The following PTPRT variants were observed in gnomAD, a reference collection of about 807,000 sequenced individuals.
PTPRT encodes protein tyrosine phosphatase receptor type T, also known as receptor-type tyrosine-protein phosphatase T.
Under a neutral mutation model 176.8 loss-of-function variants are expected in PTPRT, and 56 were observed. The ratio of observed to expected loss-of-function variants is 0.32; its 90% CI spans 0.26 to 0.40. The LOEUF (loss-of-function observed/expected upper bound fraction) is 0.40. PTPRT is among the 10% of genes least tolerant of loss of function. The pLI, the probability that PTPRT is intolerant of heterozygous loss-of-function variation, is 1.00. For synonymous variants in PTPRT, 783 were observed against 739.0 expected (o/e 1.06, Z -0.96); for missense variants, 1,540 against 1,908.2 (o/e 0.81, Z 3.60).
intron 9 of PTPRT, among the ~76,000 whole-genome samples, chr20:42,406,459 A>G (rs886900317): frequency 6.6e-6 from 1 of 152,118 alleles, no homozygotes; most frequent in African/African-American, 2.4e-5. Context: ...ATGAAATTCA[A>G]CCGAGGAGAA....
intron 12 of PTPRT, among the ~76,000 whole-genome samples, chr20:42,314,053 T>G (rs548803172): frequency 1.3e-5 from 2 of 152,322 alleles, no homozygotes; most frequent in Admixed American, 1.3e-4. Flanking sequence ...CTTCACCAAA[T>G]CTTGCTTCTG....
intron 1 of PTPRT, among the ~76,000 whole-genome samples, chr20:42,931,232 G>T (rs1187649907): frequency 6.6e-6 from 1 of 152,150 alleles, no homozygotes; most frequent in Non-Finnish European, 1.5e-5. Context: ...GGTAATTAAG[G>T]TTGAATGAAG....
At chr20:42,551,812 C>A (rs1004238994) in intron 7 of PTPRT, among the ~76,000 whole-genome samples, 2 of 152,172 alleles carry the variant, frequency 1.3e-5, no homozygotes, top group African/African-American at 4.8e-5. Context: ...GACTACTATA[C>A]CCACATCCTT....
downstream of PTPRT, among the ~76,000 whole-genome samples, chr20:42,072,544 C>A (rs1982399670): frequency 6.6e-6 from 1 of 152,238 alleles, no homozygotes; most frequent in East Asian, 1.9e-4. Flanking sequence ...ACACTCAACC[C>A]TTTTACTAGC....
chr20:42,590,968 G>A (rs1214178456), intron 7 of PTPRT, among the ~76,000 whole-genome samples: 1 of 141,498 alleles, frequency 7.1e-6, no homozygotes, highest in African/African-American at 3.0e-5. Flanking sequence ...GTGTGTGTGT[G>A]TGTGTGTAAT....
At chr20:42,887,772 T>C (rs185381588) in intron 1 of PTPRT, among the ~76,000 whole-genome samples, 100 of 152,324 alleles carry the variant, frequency 6.6e-4, no homozygotes, top group Non-Finnish European at 1.1e-3. Context: ...CCAGAAGAGC[T>C]GGCCTTCAGC....
At chr20:42,109,789 C>A (rs1309477740) in intron 23 of PTPRT, among the ~76,000 whole-genome samples, 1 of 152,236 alleles carries the variant, frequency 6.6e-6, no homozygotes, top group East Asian at 1.9e-4. Flanking sequence ...ACGTGACAGA[C>A]CCAGCAGATG....
At chr20:42,161,215 A>T (rs1439845271) in intron 17 of PTPRT, 137 bp downstream of exon 17, 8 of 908,712 alleles carry the variant, frequency 8.8e-6, no homozygotes, top group Admixed American at 2.2e-5. Flanking sequence ...ATGGGGCCTG[A>T]GATGTTGCAT....
At chr20:42,435,821 T>C (rs2059257377) in intron 9 of PTPRT, among the ~76,000 whole-genome samples, 1 of 152,138 alleles carries the variant, frequency 6.6e-6, no homozygotes, top group Non-Finnish European at 1.5e-5. Flanking sequence ...AACCAAGATA[T>C]TGCTGAACAA....
chr20:42,073,499 G>GA lies in PTPRT; in HGVS notation c.*7379dup. 4.8e-6 allele frequency: 1 copy of GA among 208,812 alleles called. No individual in the cohort carries two copies. The highest frequency in any genetic ancestry group is 9.8e-6 in the Non-Finnish European group (1 of 102,248). 12.9% of individuals were successfully genotyped at this position (208,812 alleles called of 1,614,324 possible). On this transcript the variant is annotated 3_prime_UTR_variant, in exon 31 of 31. Coordinates refer to ENST00000373187, the MANE Select transcript of PTPRT (RefSeq NM_007050.6). ...CCTCTGGAGATAATGTGTATGGTAAGAAAAGCCCTGCTCTGTGTCCTACTT... is the reference window on the plus strand; with the variant it reads ...CCTCTGGAGATAATGTGTATGGTAAGAAAAAGCCCTGCTCTGTGTCCTACTT...
chr20:42,082,771 A>C, intron 29 of PTPRT, among the ~76,000 whole-genome samples: 1 of 152,248 alleles, frequency 6.6e-6, no homozygotes. Flanking sequence ...CTTTACAGAC[A>C]GTCCCTGTAG....
At chr20:42,096,056 C>A (rs908382730) in intron 27 of PTPRT, among the ~76,000 whole-genome samples, 1 of 152,206 alleles carries the variant, frequency 6.6e-6, no homozygotes, top group African/African-American at 2.4e-5. Context: ...TCACCTCCCA[C>A]CTGCACCTGC....
intron 7 of PTPRT, among the ~76,000 whole-genome samples, chr20:42,478,973 G>C (rs548228791): frequency 8.5e-5 from 13 of 152,226 alleles, no homozygotes; most frequent in Non-Finnish European, 1.6e-4. Flanking sequence ...TGCTAATAGA[G>C]GGCAGGGGAA....
intron 5 of PTPRT, 70 bp from the exon 6 acceptor site, chr20:42,756,706 G>A (rs750976271): frequency 9.6e-5 from 127 of 1,327,370 alleles, no homozygotes; most frequent in Middle Eastern, 3.8e-4. Context: ...CTCCCAACAC[G>A]GATATCCACC....
At chr20:42,144,071 C>A (rs1161894644) in intron 17 of PTPRT, among the ~76,000 whole-genome samples, 1 of 152,116 alleles carries the variant, frequency 6.6e-6, no homozygotes, top group Non-Finnish European at 1.5e-5. Context: ...CAGGAGGAAG[C>A]CATAAGGTGG....
chr20:42,494,305 C>T (rs896296973), intron 7 of PTPRT, among the ~76,000 whole-genome samples: 11 of 152,030 alleles, frequency 7.2e-5, no homozygotes, highest in East Asian at 1.9e-4. Context: ...AGGGAAACAA[C>T]GTTTTCTCAT....
intron 1 of PTPRT, among the ~76,000 whole-genome samples, chr20:43,184,457 G>A (rs1384304909): frequency 6.6e-6 from 1 of 152,176 alleles, no homozygotes; most frequent in African/African-American, 2.4e-5. Flanking sequence ...GGGAGGTCGA[G>A]GCGGGAGGAT....
intron 7 of PTPRT, among the ~76,000 whole-genome samples, chr20:42,485,214 G>T (rs1302976278): frequency 6.6e-6 from 1 of 152,150 alleles, no homozygotes; most frequent in Non-Finnish European, 1.5e-5. Context: ...AAGATTTGGG[G>T]TGAAGAAAAG....
At chr20:42,810,543 G>C (rs1045356773) in intron 2 of PTPRT, among the ~76,000 whole-genome samples, 1 of 152,164 alleles carries the variant, frequency 6.6e-6, no homozygotes, top group African/African-American at 2.4e-5. Flanking sequence ...TTTGCATTTA[G>C]GATTGCACTA....
Sources: gnomAD v4.1 joint callset for allele counts (sites outside exome capture counted in the v4.1 genomes callset) on GRCh38, gnomAD v4.1.1 for gene constraint, MANE v1.5 for transcripts, NCBI Gene and HGNC (gene_info 2026-07-23, HGNC 2026-07-21) for gene names.